CYRIB: variants seen among roughly 807,000 people sequenced by gnomAD.
The protein encoded by CYRIB is CYFIP related Rac1 interactor B.
A neutral mutation model predicts 44.2 loss-of-function variants in CYRIB; 8 were observed. The observed-to-expected ratio is 0.18, with a 90% CI of 0.11 to 0.33. The LOEUF (loss-of-function observed/expected upper bound fraction) is 0.33, where lower values mean the gene tolerates loss of function less well. CYRIB is among the 10% of genes least tolerant of loss of function. The probability of loss-of-function intolerance (pLI) is 1.00; values close to 1 mark genes in which losing one functional copy is unlikely to be tolerated. For synonymous variants in CYRIB, 131 were observed against 127.2 expected (o/e 1.03, Z -0.20); for missense variants, 185 against 382.8 (o/e 0.48, Z 4.31).
chr8:129,941,930 T>C (rs548469219), upstream of CYRIB, among the ~76,000 whole-genome samples: 1 of 152,332 alleles, frequency 6.6e-6, no homozygotes, highest in South Asian at 2.1e-4. Context: ...AAAAATCTGA[T>C]GCACAACAAT....
At chr8:129,949,240 T>C (rs1286568157) in intron 2 of CYRIB, 2 of 152,206 alleles carry the variant, frequency 1.3e-5, no homozygotes, top group Non-Finnish European at 1.5e-5. Context: ...ATGTGAAATA[T>C]AATGACAGAA....
At chr8:129,969,329 C>T (rs1283161832) in intron 2 of CYRIB, among the ~76,000 whole-genome samples, 1 of 152,154 alleles carries the variant, frequency 6.6e-6, no homozygotes, top group Non-Finnish European at 1.5e-5. Context: ...TCATTTTTGA[C>T]ATTTGCAGGT....
intron 10 of CYRIB, 58 bp downstream of exon 12, chr8:129,849,185 T>C: frequency 6.7e-7 from 1 of 1,494,924 alleles, no homozygotes; most frequent in Non-Finnish European, 9.0e-7. Context: ...TAAAATAAAA[T>C]CCTATGGTTT....
exon 11 of CYRIB, chr8:129,846,831 C>T (rs2040307311): frequency 6.3e-7 from 1 of 1,598,086 alleles, no homozygotes; most frequent in Non-Finnish European, 8.5e-7. Flanking sequence ...ACCTTCCACA[C>T]TATTAGGAGG....
At chr8:130,000,154 G>A (rs2096876341) in intron 1 of CYRIB, among the ~76,000 whole-genome samples, 1 of 152,118 alleles carries the variant, frequency 6.6e-6, no homozygotes, top group South Asian at 2.1e-4. Context: ...CACAGCACCT[G>A]ACTTACTTAT....
intron 1 of CYRIB, among the ~76,000 whole-genome samples, chr8:130,015,413 TCA>T (rs1428218954): frequency 6.6e-6 from 1 of 152,084 alleles, no homozygotes; most frequent in Non-Finnish European, 1.5e-5. Flanking sequence ...GCAGCCCATT[TCA>T]CAGACGGGAC....
intron 1 of CYRIB, among the ~76,000 whole-genome samples, chr8:129,906,006 C>T (rs980947121): frequency 7.9e-5 from 12 of 152,158 alleles, no homozygotes; most frequent in Non-Finnish European, 1.0e-4. Flanking sequence ...AAATCAATAT[C>T]GTGAAAATGG....
chr8:129,871,266 T>A lies in CYRIB; in HGVS notation c.195+109A>T. 8 of 1,291,060 alleles carry A rather than the reference T, an allele frequency of 6.2e-6. No individual in the cohort carries two copies. The South Asian group carries it at 1.4e-4, about 22-fold the overall frequency. 80.0% of individuals were successfully genotyped at this position (1,291,060 alleles called of 1,614,324 possible). On this transcript the variant is annotated intron_variant, in intron 4 of 11. Transcript: ENST00000519824. ...CAATGCCAAGTGAGCATCCTTCAAA[T>A]ATAATACTTAATATGAAATATAGAA...
chr8:129,859,404 G>A (rs756007398), intron 5 of CYRIB, among the ~76,000 whole-genome samples: 1 of 151,420 alleles, frequency 6.6e-6, no homozygotes, highest in Non-Finnish European at 1.5e-5. Flanking sequence ...ATAACTGCAG[G>A]TGGGCCTGAC....
intron 2 of CYRIB, among the ~76,000 whole-genome samples, chr8:129,969,251 G>T (rs1376890994): frequency 6.6e-6 from 1 of 151,994 alleles, no homozygotes; most frequent in Non-Finnish European, 1.5e-5. Flanking sequence ...TGACCTCAAG[G>T]GATCTGCCTG....
At chr8:129,993,874 AG>A (rs970912318) in intron 1 of CYRIB, among the ~76,000 whole-genome samples, 1 of 150,710 alleles carries the variant, frequency 6.6e-6, no homozygotes, top group African/African-American at 2.4e-5. Context: ...AAAAAAAAAA[AG>A]GAGTCCTTGT....
At chr8:130,014,169 G>A (rs1008049602) in intron 1 of CYRIB, among the ~76,000 whole-genome samples, 2 of 152,196 alleles carry the variant, frequency 1.3e-5, no homozygotes, top group East Asian at 3.9e-4. Context: ...GCCGGGCACA[G>A]TGGCTCACAC....
At chr8:130,000,056 A>C (rs1356317186) in intron 1 of CYRIB, among the ~76,000 whole-genome samples, 1 of 152,192 alleles carries the variant, frequency 6.6e-6, no homozygotes, top group Non-Finnish European at 1.5e-5. Context: ...TGTAAGGACA[A>C]GGAGCATGCA....
At chr8:129,860,896 A>C (rs1261299937) in intron 5 of CYRIB, among the ~76,000 whole-genome samples, 4 of 151,590 alleles carry the variant, frequency 2.6e-5, no homozygotes, top group Non-Finnish European at 5.9e-5. Context: ...ACAGTGACCA[A>C]GTGTTAAACC....
At chr8:129,879,610 T>C in intron 2 of CYRIB, 139 bp from the exon 5 acceptor site, 2 of 645,508 alleles carry the variant, frequency 3.1e-6, no homozygotes, top group South Asian at 2.0e-5. Context: ...GACTGTGCTC[T>C]GGCAGACAGC....
At chr8:129,934,974 G>GA (rs1352377589) in intron 1 of CYRIB, among the ~76,000 whole-genome samples, 7 of 152,156 alleles carry the variant, frequency 4.6e-5, no homozygotes, top group Non-Finnish European at 5.9e-5. Context: ...ATAAGCTCTG[G>GA]AAAACTTTGT....
intron 3 of CYRIB, among the ~76,000 whole-genome samples, chr8:129,873,518 G>A (rs1015727954): frequency 6.6e-6 from 1 of 151,926 alleles, no homozygotes; most frequent in Non-Finnish European, 1.5e-5. Flanking sequence ...AAAAACGACA[G>A]TCTTACACTT....
At chr8:129,987,067 TC>T (rs1237026845) in intron 1 of CYRIB, among the ~76,000 whole-genome samples, 1 of 152,048 alleles carries the variant, frequency 6.6e-6, no homozygotes, top group East Asian at 1.9e-4. Flanking sequence ...AGGGGTACCT[TC>T]CCCCTACCCT....
intron 2 of CYRIB, among the ~76,000 whole-genome samples, chr8:129,945,270 A>G (rs1456355733): frequency 6.6e-6 from 1 of 152,190 alleles, no homozygotes; most frequent in Non-Finnish European, 1.5e-5. Context: ...GTGTTCATGT[A>G]TTCACTCCTT....
Sources: allele counts gnomAD v4.1 joint callset (sites outside exome capture counted in the v4.1 genomes callset), GRCh38; gene constraint gnomAD v4.1.1; transcripts MANE v1.5; gene names NCBI Gene and HGNC (gene_info 2026-07-23, HGNC 2026-07-21).